The following ATAD1 variants were observed in gnomAD, a reference collection of about 807,000 sequenced individuals.
ATAD1 encodes outer mitochondrial transmembrane helix translocase.
A neutral mutation model predicts 42.7 loss-of-function variants in ATAD1; 18 were observed. The ratio of observed to expected loss-of-function variants is 0.42; its 90% CI spans 0.29 to 0.63. ATAD1 has a LOEUF of 0.63. Ranked by LOEUF, ATAD1 falls within the 20% of genes least tolerant of loss-of-function variation. ATAD1 has a pLI of 0.19. For missense variants in ATAD1, 294 were observed against 440.4 expected (o/e 0.67, Z 2.98); for synonymous variants, 132 against 143.1 (o/e 0.92, Z 0.55).
upstream of ATAD1, chr10:87,818,257 C>T: frequency 1.0e-6 from 1 of 985,402 alleles, no homozygotes; most frequent in African/African-American, 1.7e-5. Context: ...CGGCGGGAGG[C>T]GCGGCGCACT....
intron 2 of ATAD1, among the ~76,000 whole-genome samples, chr10:87,794,817 A>C (rs942104676): frequency 6.6e-6 from 1 of 152,096 alleles, no homozygotes. Flanking sequence ...CTTCCTAAAT[A>C]AAAAATGACA....
intron 2 of ATAD1, among the ~76,000 whole-genome samples, chr10:87,811,719 T>C (rs796532355): frequency 3.3e-5 from 5 of 152,334 alleles, no homozygotes; most frequent in African/African-American, 1.2e-4. Context: ...TATGGCCTAC[T>C]CACTGTTCTA....
chr10:87,833,192 C>T lies in ATAD1; in HGVS notation c.-14+7995G>A, dbSNP rs528836678. ...TAGTTTTCAGCATACATATTCTATT[C>T]ATGTTTTGTTAAATTCGTACCTTAG... On this transcript the variant is annotated intron_variant, in intron 1 of 4. Coordinates refer to the ATAD1 transcript ENST00000495903. 5.3e-5 allele frequency: 8 copies of T among 152,250 alleles called. No individual in the cohort carries two copies. In the East Asian group the frequency reaches 1.5e-3, roughly 29 times the overall value. 9.4% of individuals were successfully genotyped at this position (152,250 alleles called of 1,614,324 possible).
At chr10:87,772,336 C>T (rs950851769) in intron 6 of ATAD1, among the ~76,000 whole-genome samples, 3 of 151,854 alleles carry the variant, frequency 2.0e-5, no homozygotes, top group African/African-American at 7.3e-5. Flanking sequence ...TGGTCTGAAA[C>T]CTCTGGGCTC....
intron 8 of ATAD1, among the ~76,000 whole-genome samples, chr10:87,766,359 A>G (rs930429796): frequency 6.6e-6 from 1 of 152,188 alleles, no homozygotes; most frequent in Non-Finnish European, 1.5e-5. Context: ...ATGTCCTTCA[A>G]TGTGGCATTG....
At chr10:87,796,892 A>G (rs1223920813) in intron 2 of ATAD1, among the ~76,000 whole-genome samples, 1 of 152,368 alleles carries the variant, frequency 6.6e-6, no homozygotes, top group East Asian at 1.9e-4. Context: ...ATTTTGCAAT[A>G]CAACTCCCTT....
At chr10:87,829,704 T>G (rs1857794947) in intron 1 of ATAD1, among the ~76,000 whole-genome samples, 1 of 152,160 alleles carries the variant, frequency 6.6e-6, no homozygotes, top group South Asian at 2.1e-4. Flanking sequence ...ACTGCAGATG[T>G]GGTATAAATA....
intron 3 of ATAD1, 35 bp downstream of exon 3, chr10:87,792,622 C>CAAAAAAAAAAATAAAAAAAATTTAA: frequency 7.4e-7 from 1 of 1,355,216 alleles, no homozygotes; most frequent in East Asian, 2.4e-5. Context: ...ACCCCCACCT[C>CAAAAAAAAAAATAAAAAAAATTTAA]TAAAAAAATC....
chr10:87,791,836 A>G (rs1856134985), intron 3 of ATAD1, among the ~76,000 whole-genome samples: 1 of 152,220 alleles, frequency 6.6e-6, no homozygotes, highest in South Asian at 2.1e-4. Context: ...AAGTAGGTAA[A>G]GTAGGTATTA....
intron 2 of ATAD1, among the ~76,000 whole-genome samples, chr10:87,808,770 T>C (rs1016664642): frequency 2.6e-5 from 4 of 152,216 alleles, no homozygotes; most frequent in Non-Finnish European, 4.4e-5. Context: ...TAAATCCAAC[T>C]GGTCGCATTA....
chr10:87,776,122 T>A (rs1321711470), intron 6 of ATAD1, among the ~76,000 whole-genome samples, 199 bp downstream of exon 6: 5 of 152,202 alleles, frequency 3.3e-5, no homozygotes, highest in African/African-American at 4.8e-5. Flanking sequence ...GGCAATCTAC[T>A]AATGTTTTGG....
intron 1 of ATAD1, among the ~76,000 whole-genome samples, chr10:87,817,230 A>G (rs1260143402): frequency 1.3e-5 from 2 of 152,256 alleles, no homozygotes; most frequent in Admixed American, 6.5e-5. Context: ...CTAAAATGTA[A>G]GGCTGTTACA....
intron 1 of ATAD1, among the ~76,000 whole-genome samples, chr10:87,824,972 T>C (rs934070841): frequency 2.6e-5 from 4 of 152,248 alleles, no homozygotes; most frequent in African/African-American, 9.6e-5. Context: ...AAATTATGGA[T>C]ATTTCTCAGT....
intron 7 of ATAD1, among the ~76,000 whole-genome samples, chr10:87,768,868 G>A (rs1472033618): frequency 6.6e-6 from 1 of 152,132 alleles, no homozygotes; most frequent in African/African-American, 2.4e-5. Context: ...AGGGTCCCTT[G>A]AGGCCAGGAG....
At chr10:87,759,781 T>C (rs1854397422) in intron 8 of ATAD1, 1 of 455,858 alleles carries the variant, frequency 2.2e-6, no homozygotes, top group African/African-American at 2.0e-5. Context: ...GGTTTCAGTT[T>C]CCTCAGCTGT....
At chr10:87,827,662 G>C (rs1857753884) in intron 1 of ATAD1, among the ~76,000 whole-genome samples, 1 of 152,144 alleles carries the variant, frequency 6.6e-6, no homozygotes, top group South Asian at 2.1e-4. Flanking sequence ...TAAATGTTGT[G>C]TTCTGACTGC....
At chr10:87,769,332 A>C (rs1854919888) in intron 7 of ATAD1, among the ~76,000 whole-genome samples, 1 of 152,134 alleles carries the variant, frequency 6.6e-6, no homozygotes, top group Non-Finnish European at 1.5e-5. Context: ...CTCAGAACTC[A>C]CCATTAAACA....
upstream of ATAD1, among the ~76,000 whole-genome samples, chr10:87,819,764 CTT>C (rs988233656): frequency 1.3e-5 from 2 of 152,148 alleles, no homozygotes; most frequent in Admixed American, 1.3e-4. Context: ...TACGTTTTCT[CTT>C]TGAGATGGTA....
chr10:87,779,272 T>C (rs546545848), intron 5 of ATAD1, among the ~76,000 whole-genome samples: 1 of 152,280 alleles, frequency 6.6e-6, no homozygotes, highest in Non-Finnish European at 1.5e-5. Flanking sequence ...CACTCCAGCC[T>C]GGGCAACAAG....
Sources: allele counts gnomAD v4.1 joint callset (sites outside exome capture counted in the v4.1 genomes callset), GRCh38; gene constraint gnomAD v4.1.1; transcripts MANE v1.5; gene names NCBI Gene and HGNC (gene_info 2026-07-23, HGNC 2026-07-21).